Variants in TUSC3 observed in about 807,000 individuals in gnomAD.
TUSC3 encodes tumor suppressor candidate 3, also known as dolichyl-diphosphooligosaccharide--protein glycosyltransferase subunit TUSC3.
In TUSC3, 45 loss-of-function variants were observed where a neutral mutation model predicts 44.8. The ratio of observed to expected loss-of-function variants is 1.00; its 90% CI spans 0.79 to 1.29. The LOEUF (loss-of-function observed/expected upper bound fraction) is 1.29. TUSC3 is among the 50% of genes most tolerant of loss of function. The pLI, the probability that TUSC3 is intolerant of heterozygous loss-of-function variation, is 0.00. For missense variants in TUSC3, 519 were observed against 437.9 expected, an observed-to-expected ratio of 1.19 and a Z score of -1.65; for synonymous variants, 212 against 152.9, an observed-to-expected ratio of 1.39 and a Z score of -2.85.
chr8:15,639,050 A>T (rs1806234427), intron 2 of TUSC3, among the ~76,000 whole-genome samples: 1 of 136,402 alleles, frequency 7.3e-6, no homozygotes, highest in Non-Finnish European at 1.5e-5. Flanking sequence ...TCAGGGCTCC[A>T]GTGATGATCA....
At chr8:15,469,081 C>T (rs1031820678) in intron 1 of TUSC3, among the ~76,000 whole-genome samples, 10 of 152,012 alleles carry the variant, frequency 6.6e-5, no homozygotes, top group African/African-American at 2.4e-4. Context: ...AATAAAATTC[C>T]CTGGAGATAA....
At chr8:15,483,780 C>T (rs192759875) in intron 2 of TUSC3, among the ~76,000 whole-genome samples, 120 of 151,088 alleles carry the variant, frequency 7.9e-4, no homozygotes, top group African/African-American at 2.8e-3. Context: ...CTCAGCCTCC[C>T]GAGTAGCTGG....
At chr8:15,553,715 ACTT>A (rs1451826437) in intron 1 of TUSC3, among the ~76,000 whole-genome samples, 2 of 151,714 alleles carry the variant, frequency 1.3e-5, no homozygotes, top group African/African-American at 4.8e-5. Context: ...GGCAGCCAAC[ACTT>A]CTTCTCAAAC....
intron 6 of TUSC3, among the ~76,000 whole-genome samples, chr8:15,717,818 T>C (rs987092088): frequency 6.6e-6 from 1 of 152,090 alleles, no homozygotes; most frequent in African/African-American, 2.4e-5. Context: ...AAAAATACTT[T>C]TATCCCTAGT....
At chr8:15,804,177 G>C in the TUSC3 span, among the ~76,000 whole-genome samples, 4 of 152,288 alleles carry the variant, frequency 2.6e-5, no homozygotes, top group Non-Finnish European at 5.9e-5. Context: ...CAGTGTAAAA[G>C]TGTTCCTATT....
At chr8:15,672,171 T>TA (rs1807977759) in intron 5 of TUSC3, among the ~76,000 whole-genome samples, 1 of 151,942 alleles carries the variant, frequency 6.6e-6, no homozygotes. Context: ...TAAGGAGCGG[T>TA]AGGACATGGA....
chr8:15,627,673 C>A (rs144617931), intron 2 of TUSC3, among the ~76,000 whole-genome samples: 19 of 152,348 alleles, frequency 1.2e-4, no homozygotes, highest in Admixed American at 2.0e-4. Flanking sequence ...CCACTGCATT[C>A]CCCAGTGCTG....
downstream of TUSC3, among the ~76,000 whole-genome samples, chr8:15,770,294 AAACT>A (rs1449113259): frequency 1.3e-5 from 2 of 152,158 alleles, no homozygotes; most frequent in Non-Finnish European, 2.9e-5. Flanking sequence ...CATCCTCAGC[AAACT>A]AACACAGGAA....
the TUSC3 span, among the ~76,000 whole-genome samples, chr8:15,799,040 A>T: frequency 6.6e-6 from 1 of 152,198 alleles, no homozygotes; most frequent in Non-Finnish European, 1.5e-5. Context: ...CCAAGAGTTT[A>T]ACTATATCAA....
chr8:15,535,513 T>C (rs1369377940), upstream of TUSC3, among the ~76,000 whole-genome samples: 1 of 152,130 alleles, frequency 6.6e-6, no homozygotes, highest in Non-Finnish European at 1.5e-5. Context: ...TACATTCTAA[T>C]GGGAAAAGAC....
chr8:15,583,658 G>A (rs189993154), intron 1 of TUSC3, among the ~76,000 whole-genome samples: 1 of 152,196 alleles, frequency 6.6e-6, no homozygotes, highest in African/African-American at 2.4e-5. Context: ...TAGCAGGATA[G>A]CAAGCTAATT....
chr8:15,423,881 T>G (rs1387664249), intron 1 of TUSC3, among the ~76,000 whole-genome samples: 1 of 151,394 alleles, frequency 6.6e-6, no homozygotes, highest in Non-Finnish European at 1.5e-5. Flanking sequence ...GAAGGCGGGA[T>G]TACCCCTGTT....
chr8:15,810,358 C>T, the TUSC3 span, among the ~76,000 whole-genome samples: 4 of 152,114 alleles, frequency 2.6e-5, no homozygotes, highest in Middle Eastern at 3.2e-3. Context: ...AAAATCAAGG[C>T]CAGGAATGGT....
At chr8:15,435,646 A>G (rs576207103) in intron 1 of TUSC3, among the ~76,000 whole-genome samples, 2 of 152,186 alleles carry the variant, frequency 1.3e-5, no homozygotes, top group African/African-American at 4.8e-5. Flanking sequence ...AAATGTATGT[A>G]TAAATTGACT....
chr8:15,432,491 T>C lies in TUSC3; in HGVS notation n.91+15186T>C, dbSNP rs995217861. Among the ~76,000 whole-genome samples the C allele has an allele frequency of 1.7e-4, 26 of 152,304 alleles. No individual in the cohort carries two copies. In the East Asian group the frequency reaches 4.2e-3, roughly 25 times the overall value. The stretch of plus-strand genomic sequence containing the variant: ...TTTAAGTGTCATAATTTCAGCATTC[T>C]CTGCCAAGTCTGGTTCTGATGCTTG... On this transcript the variant is annotated intron_variant and non_coding_transcript_variant, in intron 1 of 5. Transcript: ENST00000503191.
At chr8:15,611,413 T>A (rs1284710801) in intron 1 of TUSC3, among the ~76,000 whole-genome samples, 2 of 152,170 alleles carry the variant, frequency 1.3e-5, no homozygotes, top group South Asian at 4.1e-4. Context: ...GGTCTCAAAC[T>A]CCTGACCTCG....
At chr8:15,653,249 C>T (rs554354996) in intron 3 of TUSC3, among the ~76,000 whole-genome samples, 1 of 152,242 alleles carries the variant, frequency 6.6e-6, no homozygotes, top group South Asian at 2.1e-4. Context: ...AGAGGCGCAG[C>T]TCAGCATCAG....
the TUSC3 span, among the ~76,000 whole-genome samples, chr8:15,813,093 CA>C: frequency 1.3e-5 from 2 of 151,018 alleles, no homozygotes; most frequent in African/African-American, 4.9e-5. Flanking sequence ...GACCACGTCT[CA>C]AAAAAAGACA....
intron 6 of TUSC3, among the ~76,000 whole-genome samples, chr8:15,713,441 A>G (rs919803505): frequency 2.6e-5 from 4 of 152,326 alleles, no homozygotes; most frequent in African/African-American, 9.6e-5. Context: ...GGCATCGATT[A>G]AAAGATCTTA....
Sources: gnomAD v4.1 joint callset for allele counts (sites outside exome capture counted in the v4.1 genomes callset) on GRCh38, gnomAD v4.1.1 for gene constraint, MANE v1.5 for transcripts, NCBI Gene and HGNC (gene_info 2026-07-23, HGNC 2026-07-21) for gene names.